The following PDCD6IP variants were observed in gnomAD, a reference collection of about 807,000 sequenced individuals.
The protein encoded by PDCD6IP is programmed cell death 6 interacting protein.
PDCD6IP carries 43 observed loss-of-function variants against 103.7 expected under a neutral mutation model. That is an observed-to-expected ratio of 0.41 (90% CI 0.32 to 0.53). The LOEUF (loss-of-function observed/expected upper bound fraction) is 0.53, where lower values mean the gene tolerates loss of function less well. Ranked by LOEUF, PDCD6IP falls within the 20% of genes least tolerant of loss-of-function variation. The pLI is 0.16. For synonymous variants in PDCD6IP, 354 were observed against 378.7 expected (o/e 0.93, Z 0.76); for missense variants, 871 against 1,036.7 (o/e 0.84, Z 2.20).
At chr3:33,853,002 C>T (rs528851355) in intron 13 of PDCD6IP, among the ~76,000 whole-genome samples, 1 of 151,072 alleles carries the variant, frequency 6.6e-6, no homozygotes, top group Admixed American at 6.6e-5. Context: ...TGGCTCACTG[C>T]AAGCTCCGCC....
chr3:33,833,728 A>G (rs1021224083), intron 7 of PDCD6IP, among the ~76,000 whole-genome samples: 2 of 152,132 alleles, frequency 1.3e-5, no homozygotes, highest in African/African-American at 4.8e-5. Context: ...TTCATTATCT[A>G]CTGGAAAGAT....
At chr3:33,826,630 T>G (rs1473548663) in intron 6 of PDCD6IP, 50 bp downstream of exon 6, 1 of 1,603,792 alleles carries the variant, frequency 6.2e-7, no homozygotes, top group Non-Finnish European at 8.5e-7. Context: ...GTGAAATATT[T>G]AGACTTTTTT....
chr3:33,864,038 G>C lies in PDCD6IP; in HGVS notation c.2153G>C (p.Ser718Thr), dbSNP rs1196621309. 2 of 1,613,904 alleles carry C rather than the reference G, an allele frequency of 1.2e-6. No individual in the cohort carries two copies. The highest frequency in any genetic ancestry group is 1.7e-6 in the Non-Finnish European group (2 of 1,179,920). ...CAACAAAGCATTGCCAGAGAACCTA[G>C]TGCTCCTTCAATTCCTACACCTGCG... ...DLQQSIAREPSAPSIPTPAYQ... is the reference protein window; with the variant it reads ...DLQQSIAREPTAPSIPTPAYQ... The change falls in exon 16 of 18, where the codon AGT becomes ACT. Residue 718 changes from serine to threonine, a missense_variant. Around this residue, in one of 5 missense-constraint regions of PDCD6IP, gnomAD observed 202 missense variants for 205.2 expected, o/e 0.98. Coordinates refer to ENST00000307296, the MANE Select transcript of PDCD6IP (RefSeq NM_013374.6).
chr3:33,850,055 CTAAG>C (rs1697680375), intron 12 of PDCD6IP, among the ~76,000 whole-genome samples: 1 of 152,114 alleles, frequency 6.6e-6, no homozygotes, highest in African/African-American at 2.4e-5. Context: ...TCTTCCTAAT[CTAAG>C]TAATATGATT....
chr3:33,808,357 T>A (rs1422118699), intron 1 of PDCD6IP, among the ~76,000 whole-genome samples: 1 of 152,202 alleles, frequency 6.6e-6, no homozygotes, highest in Non-Finnish European at 1.5e-5. Flanking sequence ...CACTTCAGCC[T>A]TGACCTCCTG....
chr3:33,814,742 T>C (rs952886197), intron 3 of PDCD6IP, among the ~76,000 whole-genome samples: 68 of 145,852 alleles, frequency 4.7e-4, no homozygotes, highest in African/African-American at 1.6e-3. Context: ...TATATACATA[T>C]ATGTATATAT....
At chr3:33,848,197 T>A (rs1697636077) in intron 12 of PDCD6IP, among the ~76,000 whole-genome samples, 1 of 152,194 alleles carries the variant, frequency 6.6e-6, no homozygotes, top group South Asian at 2.1e-4. Flanking sequence ...AAGTGTTTTT[T>A]GAAGGCCTAC....
At chr3:33,834,035 A>G (rs1697295255) in intron 7 of PDCD6IP, among the ~76,000 whole-genome samples, 1 of 151,720 alleles carries the variant, frequency 6.6e-6, no homozygotes, top group Admixed American at 6.6e-5. Context: ...TAGGGTTTAT[A>G]TTTTGCTGGC....
At chr3:33,854,917 A>C in intron 14 of PDCD6IP, 1 of 234,688 alleles carries the variant, frequency 4.3e-6, no homozygotes, top group East Asian at 9.4e-5. Context: ...ATGATCATGA[A>C]TCTTTTAACT....
In PDCD6IP at chr3:33,812,847, T is replaced by G. The variant is rs554090782; in HGVS notation, c.265-712T>G. 3.3e-5 allele frequency among the ~76,000 whole-genome samples: 5 copies of G among 152,292 alleles called. No homozygotes were observed. In the South Asian group the frequency reaches 6.2e-4, roughly 19 times the overall value. On this transcript the variant is annotated intron_variant, in intron 2 of 17. Coordinates refer to ENST00000307296, the MANE Select transcript of PDCD6IP (RefSeq NM_013374.6). Reference sequence around the variant, plus strand: ...GCAAAAGACTAAAGCTGCTGATGGATGTACTGGAGTTCATTCTCTTTATTC... The same window carrying G: ...GCAAAAGACTAAAGCTGCTGATGGAGGTACTGGAGTTCATTCTCTTTATTC...
intron 15 of PDCD6IP, 55 bp downstream of exon 15, chr3:33,855,315 A>G (rs1697802590): frequency 1.8e-6 from 2 of 1,107,788 alleles, no homozygotes; most frequent in Non-Finnish European, 2.7e-6. Flanking sequence ...TTAAAAAATC[A>G]TGTAGAGACT....
intron 12 of PDCD6IP, among the ~76,000 whole-genome samples, chr3:33,850,903 T>G (rs1559793976): frequency 6.6e-5 from 10 of 152,026 alleles, no homozygotes; most frequent in Non-Finnish European, 1.5e-4. Context: ...CCTTTCTCCT[T>G]CCCTTCCCCC....
chr3:33,812,606 T>C (rs1696744566), intron 2 of PDCD6IP, among the ~76,000 whole-genome samples: 1 of 152,256 alleles, frequency 6.6e-6, no homozygotes, highest in Non-Finnish European at 1.5e-5. Flanking sequence ...GCTGATAATT[T>C]CTTATAGTTT....
chr3:33,855,418 A>T, intron 15 of PDCD6IP, 158 bp downstream of exon 15: 1 of 476,658 alleles, frequency 2.1e-6, no homozygotes, highest in Admixed American at 3.9e-5. Context: ...ACAAGTAAAC[A>T]GCTGCATAAT....
At chr3:33,810,408 C>G (rs1696690280) in intron 1 of PDCD6IP, among the ~76,000 whole-genome samples, 1 of 152,132 alleles carries the variant, frequency 6.6e-6, no homozygotes, top group Non-Finnish European at 1.5e-5. Context: ...CCTTAACTTT[C>G]TGGCATAGCA....
Position 33,865,269 on chromosome 3 carries a change from G to T in PDCD6IP, c.2271G>T (p.Arg757Ser). The T allele has an allele frequency of 4.5e-6, 7 of 1,571,174 alleles. No individual in the cohort carries two copies. The highest frequency in any genetic ancestry group is 5.2e-6 in the Non-Finnish European group (6 of 1,162,458). Residue 757 changes from arginine (R) to serine (S), a missense_variant, in exon 17 of 18, where the codon AGG becomes AGT. Arg to Ser is a moderately radical substitution (Grantham distance 110). Coordinates refer to ENST00000307296, the MANE Select transcript of PDCD6IP (RefSeq NM_013374.6). ...MPPTKPQPPA[R>S]PPPPVLPANR... ...CTACTAAGCCCCAGCCCCCAGCCAG[G>T]CCTCCACCACCTGTGCTTCCAGCAA...
intron 3 of PDCD6IP, 127 bp from the exon 4 acceptor site, chr3:33,821,828 A>G: frequency 1.2e-6 from 1 of 820,224 alleles, no homozygotes; most frequent in Non-Finnish European, 1.9e-6. Context: ...ACAGCAAGAA[A>G]ACAGGTCTGG....
chr3:33,822,823 T>C (rs1037540924), intron 4 of PDCD6IP, among the ~76,000 whole-genome samples: 1 of 149,978 alleles, frequency 6.7e-6, no homozygotes. Context: ...GCCTGGCTAA[T>C]TTTTTTTGTA....
chr3:33,861,724 G>T (rs1443632607), intron 15 of PDCD6IP, among the ~76,000 whole-genome samples: 2 of 152,082 alleles, frequency 1.3e-5, no homozygotes, highest in Non-Finnish European at 2.9e-5. Context: ...CTATTCTGCT[G>T]GGTTTGTAGT....
Sources: allele counts gnomAD v4.1 joint callset (sites outside exome capture counted in the v4.1 genomes callset), GRCh38; gene constraint gnomAD v4.1.1; regional missense constraint gnomAD v4.1.1; transcripts MANE v1.5; gene names NCBI Gene and HGNC (gene_info 2026-07-23, HGNC 2026-07-21).